NELL1: variants seen among roughly 807,000 people sequenced by gnomAD.
The protein encoded by NELL1 is neural EGFL like 1, also known as protein kinase C-binding protein NELL1.
A neutral mutation model predicts 107.4 loss-of-function variants in NELL1; 76 were observed. The ratio of observed to expected loss-of-function variants is 0.71; its 90% CI spans 0.59 to 0.86. The LOEUF (loss-of-function observed/expected upper bound fraction) is 0.86. Ranked by LOEUF, NELL1 falls within the 40% of genes least tolerant of loss-of-function variation. The pLI is 0.00. For missense variants in NELL1, 1,024 were observed against 1,005.5 expected, an observed-to-expected ratio of 1.02 and a Z score of -0.25; for synonymous variants, 353 against 341.2, an observed-to-expected ratio of 1.03 and a Z score of -0.38.
intron 16 of NELL1, among the ~76,000 whole-genome samples, chr11:21,558,371 C>A (rs2133998684): frequency 6.6e-6 from 1 of 151,596 alleles, no homozygotes; most frequent in East Asian, 2.0e-4. Flanking sequence ...GGAATACATT[C>A]TGGAATGGCT....
At chr11:21,293,422 C>T (rs1011108126) in intron 14 of NELL1, among the ~76,000 whole-genome samples, 1 of 152,098 alleles carries the variant, frequency 6.6e-6, no homozygotes, top group Non-Finnish European at 1.5e-5. Flanking sequence ...ATTAAAAAGT[C>T]AGGAGACAAC....
At chr11:21,319,931 T>C (rs1590833576) in intron 14 of NELL1, among the ~76,000 whole-genome samples, 1 of 152,034 alleles carries the variant, frequency 6.6e-6, no homozygotes, top group African/African-American at 2.4e-5. Context: ...TTTTTATTTG[T>C]GCCGGCTTAT....
At chr11:21,222,284 A>G (rs1327193158) in intron 13 of NELL1, among the ~76,000 whole-genome samples, 1 of 151,980 alleles carries the variant, frequency 6.6e-6, no homozygotes, top group East Asian at 1.9e-4. Flanking sequence ...GGTTCACACC[A>G]TTCTCCTGCC....
chr11:21,487,652 C>A, intron 15 of NELL1, among the ~76,000 whole-genome samples: 1 of 151,914 alleles, frequency 6.6e-6, no homozygotes, highest in South Asian at 2.1e-4. Flanking sequence ...AAACAATGAA[C>A]AATATGACAA....
chr11:21,452,949 T>G (rs896594166), intron 15 of NELL1, among the ~76,000 whole-genome samples: 9 of 151,936 alleles, frequency 5.9e-5, no homozygotes, highest in African/African-American at 2.2e-4. Context: ...ATTTAAAAAT[T>G]TCTTAATATT....
chr11:21,567,529 A>T (rs1347984535), intron 17 of NELL1, among the ~76,000 whole-genome samples: 3 of 151,752 alleles, frequency 2.0e-5, no homozygotes, highest in Non-Finnish European at 4.4e-5. Flanking sequence ...GAACACTATG[A>T]TTTCTTGTTA....
chr11:21,293,765 T>A (rs1849320143), intron 14 of NELL1, among the ~76,000 whole-genome samples: 1 of 152,076 alleles, frequency 6.6e-6, no homozygotes, highest in Non-Finnish European at 1.5e-5. Flanking sequence ...AAAAGATGGG[T>A]TCATGTCCTT....
chr11:20,894,065 A>C (rs1013187689), intron 5 of NELL1, among the ~76,000 whole-genome samples: 1 of 152,182 alleles, frequency 6.6e-6, no homozygotes, highest in African/African-American at 2.4e-5. Context: ...TGCTGGGTCA[A>C]CTGAATATCC....
intron 15 of NELL1, among the ~76,000 whole-genome samples, chr11:21,467,474 A>G (rs888090849): frequency 6.6e-6 from 1 of 152,108 alleles, no homozygotes; most frequent in African/African-American, 2.4e-5. Context: ...GTCTTTAAAA[A>G]TATCAACTGT....
intron 16 of NELL1, among the ~76,000 whole-genome samples, chr11:21,555,848 TCTAA>T (rs1240938792): frequency 6.6e-6 from 1 of 151,906 alleles, no homozygotes; most frequent in Non-Finnish European, 1.5e-5. Flanking sequence ...TCTGATGTGT[TCTAA>T]CTGTGTCAAC....
At chr11:21,339,361 A>G (rs541916879) in intron 14 of NELL1, among the ~76,000 whole-genome samples, 1 of 152,208 alleles carries the variant, frequency 6.6e-6, no homozygotes, top group Non-Finnish European at 1.5e-5. Context: ...AGAGTCAAGG[A>G]AAGTTTCTCC....
intron 2 of NELL1, among the ~76,000 whole-genome samples, chr11:20,761,250 C>A (rs972557249): frequency 6.6e-6 from 1 of 152,092 alleles, no homozygotes; most frequent in African/African-American, 2.4e-5. Context: ...TAAACTCACC[C>A]CCTCAGGAAC....
At chr11:21,342,702 GGAGA>G (rs34390468) in intron 14 of NELL1, among the ~76,000 whole-genome samples, 60 of 144,948 alleles carry the variant, frequency 4.1e-4, no homozygotes, top group East Asian at 6.1e-4. Context: ...GAAGGAAGAG[GGAGA>G]GAGAGAGAGA....
In NELL1 at chr11:21,416,023, T is replaced by A. The variant is rs560585336; in HGVS notation, c.1645+45075T>A. On this transcript the variant is annotated intron_variant, in intron 15 of 19. Coordinates refer to ENST00000357134, the MANE Select transcript of NELL1 (RefSeq NM_006157.5). ...AAAGAAATGATGTCTCTTGCGACAATTGAAGTATGCATTGTTTTGGTCTCC... is the reference window on the plus strand; with the variant it reads ...AAAGAAATGATGTCTCTTGCGACAAATGAAGTATGCATTGTTTTGGTCTCC... Among the ~76,000 whole-genome samples the A allele has an allele frequency of 1.6e-4, 24 of 152,156 alleles. No homozygotes were observed. The South Asian group carries it at 4.4e-3, about 28-fold the overall frequency.
At chr11:21,279,434 A>C (rs980697146) in intron 14 of NELL1, among the ~76,000 whole-genome samples, 1 of 152,146 alleles carries the variant, frequency 6.6e-6, no homozygotes, top group African/African-American at 2.4e-5. Context: ...CAAATGAACA[A>C]CCTGATTAAA....
At chr11:21,055,436 A>T (rs1853589481) in intron 12 of NELL1, among the ~76,000 whole-genome samples, 1 of 152,160 alleles carries the variant, frequency 6.6e-6, no homozygotes, top group African/African-American at 2.4e-5. Context: ...TTATGTGAAC[A>T]CAGTATCCCT....
chr11:20,783,382 A>G (rs975109849), intron 2 of NELL1, among the ~76,000 whole-genome samples: 10 of 152,082 alleles, frequency 6.6e-5, no homozygotes, highest in African/African-American at 2.2e-4. Context: ...TGTCTGGCCA[A>G]TTGGGAACTT....
At chr11:21,304,362 T>C (rs1351086798) in intron 14 of NELL1, among the ~76,000 whole-genome samples, 1 of 152,068 alleles carries the variant, frequency 6.6e-6, no homozygotes, top group Admixed American at 6.6e-5. Context: ...ATTGTTACTT[T>C]CTCAGGAGTC....
chr11:20,956,111 C>G (rs1051980321), intron 11 of NELL1, among the ~76,000 whole-genome samples: 3 of 151,982 alleles, frequency 2.0e-5, no homozygotes, highest in Non-Finnish European at 4.4e-5. Context: ...CCCAGCTACT[C>G]TGGAGGCTGA....
Sources: allele counts gnomAD v4.1 joint callset (sites outside exome capture counted in the v4.1 genomes callset), GRCh38; gene constraint gnomAD v4.1.1; transcripts MANE v1.5; gene names NCBI Gene and HGNC (gene_info 2026-07-23, HGNC 2026-07-21).